Variants in GPR158 observed in about 807,000 individuals in gnomAD.
The protein encoded by GPR158 is G protein-coupled receptor 158.
GPR158 carries 30 observed loss-of-function variants against 78.2 expected under a neutral mutation model. The observed-to-expected ratio is 0.38, with a 90% CI of 0.29 to 0.52. GPR158 has a LOEUF of 0.52. GPR158 is among the 20% of genes least tolerant of loss of function. GPR158 has a pLI of 0.83. For missense variants in GPR158, 1,463 were observed against 1,523.5 expected, an observed-to-expected ratio of 0.96 and a Z score of 0.66; for synonymous variants, 581 against 591.1, an observed-to-expected ratio of 0.98 and a Z score of 0.25.
intron 1 of GPR158, among the ~76,000 whole-genome samples, chr10:25,188,037 C>A (rs1852712952): frequency 6.6e-6 from 1 of 152,142 alleles, no homozygotes; most frequent in African/African-American, 2.4e-5. Context: ...TTCACAATTG[C>A]TTCAAAGAGA....
intron 1 of GPR158, among the ~76,000 whole-genome samples, chr10:25,207,182 C>T (rs533819860): frequency 6.6e-6 from 1 of 152,166 alleles, no homozygotes; most frequent in South Asian, 2.1e-4. Context: ...TAGAAATGGT[C>T]CAAGTGGCTA....
intron 2 of GPR158, among the ~76,000 whole-genome samples, chr10:25,325,483 AC>A: frequency 6.6e-6 from 1 of 152,068 alleles, no homozygotes; most frequent in Non-Finnish European, 1.5e-5. Flanking sequence ...ACACACACAC[AC>A]ACACACACTA....
chr10:25,423,738 T>A (rs10828795), intron 4 of GPR158, among the ~76,000 whole-genome samples: 67,612 of 152,018 alleles, frequency 0.44, 16,878 homozygotes, highest in Non-Finnish European at 0.58. Context: ...GGCTGCATAG[T>A]ATTCCATGGT....
chr10:25,572,408 G>A (rs1837021088), intron 6 of GPR158, among the ~76,000 whole-genome samples: 1 of 152,190 alleles, frequency 6.6e-6, no homozygotes, highest in Non-Finnish European at 1.5e-5. Context: ...CGAGAGGAAT[G>A]CTTGAGCCAG....
At chr10:25,402,621 A>G (rs1834463074) in intron 3 of GPR158, among the ~76,000 whole-genome samples, 1 of 152,048 alleles carries the variant, frequency 6.6e-6, no homozygotes, top group Non-Finnish European at 1.5e-5. Context: ...ATAAACATCT[A>G]TCAAGACAAT....
At chr10:25,506,052 C>G (rs1836008958) in intron 5 of GPR158, among the ~76,000 whole-genome samples, 1 of 152,178 alleles carries the variant, frequency 6.6e-6, no homozygotes, top group African/African-American at 2.4e-5. Context: ...AGCAATCAAT[C>G]AATGTTGAGC....
chr10:25,239,425 G>T (rs944064341), intron 2 of GPR158, among the ~76,000 whole-genome samples: 1 of 151,930 alleles, frequency 6.6e-6, no homozygotes, highest in Admixed American at 6.6e-5. Flanking sequence ...TGGCCAACAT[G>T]GTGAAACCCC....
chr10:25,517,301 A>G (rs1321941847), intron 5 of GPR158, among the ~76,000 whole-genome samples: 3 of 151,832 alleles, frequency 2.0e-5, no homozygotes, highest in Non-Finnish European at 4.4e-5. Flanking sequence ...TAGATAAACA[A>G]TCATGTCGTC....
chr10:25,489,697 C>T (rs1376388992), intron 5 of GPR158, among the ~76,000 whole-genome samples: 1 of 152,090 alleles, frequency 6.6e-6, no homozygotes, highest in African/African-American at 2.4e-5. Context: ...TCCCTTCAGT[C>T]GCCTCCTTCA....
At chr10:25,366,803 T>C (rs1402664335) in intron 2 of GPR158, among the ~76,000 whole-genome samples, 1 of 150,318 alleles carries the variant, frequency 6.7e-6, no homozygotes, top group Non-Finnish European at 1.5e-5. Flanking sequence ...AGATTGTGTA[T>C]TGATTAAATT....
chr10:25,459,257 G>C (rs1256944869), intron 4 of GPR158, among the ~76,000 whole-genome samples: 1 of 152,040 alleles, frequency 6.6e-6, no homozygotes. Context: ...AAAAAGTACA[G>C]CTCATAAGTT....
chr10:25,559,761 A>C (rs1836838132), intron 6 of GPR158, among the ~76,000 whole-genome samples: 1 of 152,234 alleles, frequency 6.6e-6, no homozygotes, highest in Non-Finnish European at 1.5e-5. Flanking sequence ...AGTGCTATTT[A>C]GATGGTTTTA....
At chr10:25,560,533 G>A (rs1440511035) in intron 6 of GPR158, among the ~76,000 whole-genome samples, 2 of 152,182 alleles carry the variant, frequency 1.3e-5, no homozygotes, top group Non-Finnish European at 2.9e-5. Flanking sequence ...CCAAAGTGCT[G>A]GGATTACAGG....
At chr10:25,269,936 C>A (rs1381587563) in intron 2 of GPR158, among the ~76,000 whole-genome samples, 2 of 152,114 alleles carry the variant, frequency 1.3e-5, no homozygotes, top group African/African-American at 4.8e-5. Context: ...TATCCTAAAT[C>A]TAAGCTAGAG....
At chr10:25,219,789 G>A (rs1250125674) in intron 1 of GPR158, among the ~76,000 whole-genome samples, 1 of 152,340 alleles carries the variant, frequency 6.6e-6, no homozygotes, top group East Asian at 1.9e-4. Flanking sequence ...GGAGAAAAGA[G>A]ATGAGAGAAA....
chr10:25,197,312 C>A (rs764041553), intron 1 of GPR158, among the ~76,000 whole-genome samples: 5 of 152,112 alleles, frequency 3.3e-5, no homozygotes, highest in Non-Finnish European at 7.3e-5. Flanking sequence ...GAGAATAATA[C>A]TGACCATATG....
At chr10:25,579,218 GATTTTTTGCAATCAC>G (rs1391350917) in intron 7 of GPR158, among the ~76,000 whole-genome samples, 1 of 151,354 alleles carries the variant, frequency 6.6e-6, no homozygotes, top group Non-Finnish European at 1.5e-5. Flanking sequence ...CCATGTTCAG[GATTTTTTGCAATCAC>G]ATTAAACTTG....
chr10:25,448,275 A>G (rs184403973), intron 4 of GPR158, among the ~76,000 whole-genome samples: 242 of 151,162 alleles, frequency 1.6e-3, no homozygotes, highest in African/African-American at 5.7e-3. Flanking sequence ...TTTTTTTAGT[A>G]GAGACGGGGT....
intron 4 of GPR158, among the ~76,000 whole-genome samples, chr10:25,454,835 G>A (rs1176358843): frequency 6.6e-6 from 1 of 152,032 alleles, no homozygotes; most frequent in Non-Finnish European, 1.5e-5. Flanking sequence ...CTAAATCATA[G>A]AAGAGACCAT....
Sources: gnomAD v4.1 joint callset for allele counts (sites outside exome capture counted in the v4.1 genomes callset) on GRCh38, gnomAD v4.1.1 for gene constraint, MANE v1.5 for transcripts, NCBI Gene and HGNC (gene_info 2026-07-23, HGNC 2026-07-21) for gene names.